The following ARHGAP32 variants were observed in gnomAD, a reference collection of about 807,000 sequenced individuals.
ARHGAP32 encodes Rho GTPase activating protein 32.
A neutral mutation model predicts 186.5 loss-of-function variants in ARHGAP32; 51 were observed. The observed-to-expected ratio is 0.27, with a 90% CI of 0.22 to 0.35. The LOEUF (loss-of-function observed/expected upper bound fraction) is 0.35, where lower values mean the gene tolerates loss of function less well. ARHGAP32 is among the 10% of genes least tolerant of loss of function. The pLI, the probability that ARHGAP32 is intolerant of heterozygous loss-of-function variation, is 1.00. For synonymous variants in ARHGAP32, 950 were observed against 964.3 expected (o/e 0.99, Z 0.27); for missense variants, 2,186 against 2,623.5 (o/e 0.83, Z 3.64).
At chr11:129,275,190 T>C (rs1420783177) in intron 1 of ARHGAP32, among the ~76,000 whole-genome samples, 1 of 152,042 alleles carries the variant, frequency 6.6e-6, no homozygotes, top group South Asian at 2.1e-4. Flanking sequence ...AAAATAACTC[T>C]ATAATCTGGA....
intron 6 of ARHGAP32, among the ~76,000 whole-genome samples, chr11:129,080,144 A>T (rs1941179005): frequency 6.6e-6 from 1 of 152,304 alleles, no homozygotes; most frequent in Admixed American, 6.5e-5. Context: ...ATGGCAACAC[A>T]GTAATAGTGG....
chr11:129,041,056 A>G, intron 10 of ARHGAP32, 47 bp from the exon 11 acceptor site: 1 of 1,310,796 alleles, frequency 7.6e-7, no homozygotes, highest in Non-Finnish European at 1.1e-6. Flanking sequence ...CAAACAGACC[A>G]ATTATGTGAA....
At chr11:129,142,343 G>A (rs867008835) in intron 2 of ARHGAP32, among the ~76,000 whole-genome samples, 2 of 152,220 alleles carry the variant, frequency 1.3e-5, no homozygotes, top group African/African-American at 4.8e-5. Context: ...ACAGAAGGTA[G>A]GATGTCCCAA....
At chr11:129,115,573 C>T (rs1457171343) in intron 5 of ARHGAP32, among the ~76,000 whole-genome samples, 1 of 152,102 alleles carries the variant, frequency 6.6e-6, no homozygotes, top group Non-Finnish European at 1.5e-5. Context: ...GACCAAATAA[C>T]ACGACAGCAG....
chr11:128,987,868 G>A (rs1945923642), intron 13 of ARHGAP32, among the ~76,000 whole-genome samples, 155 bp downstream of exon 13: 1 of 152,088 alleles, frequency 6.6e-6, no homozygotes, highest in Non-Finnish European at 1.5e-5. Context: ...ATGCCATTTA[G>A]AAAAGTATAC....
At chr11:129,029,743 A>C (rs1381492598) in intron 11 of ARHGAP32, among the ~76,000 whole-genome samples, 1 of 133,514 alleles carries the variant, frequency 7.5e-6, no homozygotes, top group Non-Finnish European at 1.6e-5. Context: ...CGGAGCTTGC[A>C]GTGAGCCGAG....
chr11:129,206,175 TC>T (rs1451430174), intron 1 of ARHGAP32, among the ~76,000 whole-genome samples: 1 of 152,156 alleles, frequency 6.6e-6, no homozygotes, highest in Non-Finnish European at 1.5e-5. Flanking sequence ...AAATATCCAC[TC>T]AAGGTAAACT....
intron 1 of ARHGAP32, among the ~76,000 whole-genome samples, chr11:129,199,481 G>A (rs1220073837): frequency 6.6e-6 from 1 of 152,216 alleles, no homozygotes; most frequent in African/African-American, 2.4e-5. Context: ...GGCTAAAAGG[G>A]GCCAAGATAC....
chr11:129,185,159 T>G (rs1309997996), intron 1 of ARHGAP32, among the ~76,000 whole-genome samples: 1 of 152,216 alleles, frequency 6.6e-6, no homozygotes, highest in East Asian at 1.9e-4. Context: ...ACACGTATGT[T>G]TATTGTGGCA....
intron 12 of ARHGAP32, among the ~76,000 whole-genome samples, chr11:128,990,424 T>G (rs180992772): frequency 6.6e-6 from 1 of 152,300 alleles, no homozygotes; most frequent in East Asian, 1.9e-4. Flanking sequence ...AATTAGCAAG[T>G]GAATTAATTT....
At chr11:129,075,194 T>G (rs1474892058) in intron 6 of ARHGAP32, among the ~76,000 whole-genome samples, 2 of 152,110 alleles carry the variant, frequency 1.3e-5, no homozygotes, top group Admixed American at 1.3e-4. Context: ...TGGTCTAACA[T>G]ACCAATTAAA....
At chr11:129,044,471 G>A (rs536977799) in intron 10 of ARHGAP32, among the ~76,000 whole-genome samples, 1 of 152,230 alleles carries the variant, frequency 6.6e-6, no homozygotes, top group African/African-American at 2.4e-5. Flanking sequence ...ACTCCCACAA[G>A]CTTAGCGTTC....
At chr11:129,000,095 C>T (rs929897589) in intron 11 of ARHGAP32, among the ~76,000 whole-genome samples, 14 of 152,164 alleles carry the variant, frequency 9.2e-5, no homozygotes, top group Admixed American at 3.3e-4. Context: ...ACAGAACACA[C>T]TTGTCAACCT....
chr11:129,054,978 C>T (rs1360291145), intron 10 of ARHGAP32, among the ~76,000 whole-genome samples: 1 of 152,156 alleles, frequency 6.6e-6, no homozygotes, highest in Admixed American at 6.5e-5. Context: ...TAGAACTTGG[C>T]AAAATGCAGG....
chr11:129,249,167 C>T (rs1481927024), intron 1 of ARHGAP32, among the ~76,000 whole-genome samples: 1 of 151,782 alleles, frequency 6.6e-6, no homozygotes, highest in African/African-American at 2.4e-5. Flanking sequence ...AGTAAAGCAA[C>T]TACATGGCAA....
At chr11:129,046,864 C>G (rs1014679442) in intron 10 of ARHGAP32, among the ~76,000 whole-genome samples, 3 of 152,106 alleles carry the variant, frequency 2.0e-5, no homozygotes, top group Non-Finnish European at 4.4e-5. Flanking sequence ...GTGGCTCACG[C>G]CTGTAATCCC....
intron 1 of ARHGAP32, among the ~76,000 whole-genome samples, chr11:129,278,901 G>A (rs1156645130): frequency 1.3e-5 from 2 of 149,424 alleles, no homozygotes; most frequent in African/African-American, 2.4e-5. Flanking sequence ...GGCTCGCGGA[G>A]GCCGCGGGGA....
chr11:128,976,984 G>A (rs1249551948), intron 19 of ARHGAP32, among the ~76,000 whole-genome samples: 1 of 152,158 alleles, frequency 6.6e-6, no homozygotes, highest in East Asian at 1.9e-4. Context: ...TTTAGAGTGG[G>A]CCCTACACCC....
chr11:129,140,192 A>C (rs1943022006), intron 2 of ARHGAP32, among the ~76,000 whole-genome samples: 1 of 152,062 alleles, frequency 6.6e-6, no homozygotes, highest in Non-Finnish European at 1.5e-5. Flanking sequence ...GCAGCCCCTA[A>C]AAGTTATGCC....
Sources: allele counts gnomAD v4.1 joint callset (sites outside exome capture counted in the v4.1 genomes callset), GRCh38; gene constraint gnomAD v4.1.1; transcripts MANE v1.5; gene names NCBI Gene and HGNC (gene_info 2026-07-23, HGNC 2026-07-21).